LRRC72: variants seen among roughly 807,000 people sequenced by gnomAD.
LRRC72 encodes the protein leucine-rich repeat-containing protein 72.
A neutral mutation model predicts 35.8 loss-of-function variants in LRRC72; 41 were observed. The observed-to-expected ratio is 1.15, with a 90% CI of 0.89 to 1.49. The LOEUF (loss-of-function observed/expected upper bound fraction) is 1.49, where lower values mean the gene tolerates loss of function less well. Ranked by LOEUF, LRRC72 falls within the 40% of genes most tolerant of loss-of-function variation. The probability of loss-of-function intolerance (pLI) is 0.00; values close to 1 mark genes in which losing one functional copy is unlikely to be tolerated. For missense variants in LRRC72, 389 were observed against 330.7 expected, an observed-to-expected ratio of 1.18 and a Z score of -1.37; for synonymous variants, 118 against 119.2, an observed-to-expected ratio of 0.99 and a Z score of 0.07.
At chr7:16,549,076 A>ATAAT in intron 3 of LRRC72, among the ~76,000 whole-genome samples, 1 of 152,218 alleles carries the variant, frequency 6.6e-6, no homozygotes, top group Non-Finnish European at 1.5e-5. Context: ...AAAAACTCTA[A>ATAAT]TATTTTCTCA....
At chr7:16,572,877 A>G (rs1782972042) in intron 7 of LRRC72, among the ~76,000 whole-genome samples, 2 of 152,168 alleles carry the variant, frequency 1.3e-5, no homozygotes, top group Admixed American at 6.5e-5. Context: ...CTGCTTGCAG[A>G]TGACATGATT....
chr7:16,536,295 C>CA (rs1583635811), intron 2 of LRRC72, among the ~76,000 whole-genome samples: 1 of 150,774 alleles, frequency 6.6e-6, no homozygotes, highest in Non-Finnish European at 1.5e-5. Context: ...TTAAACAAAC[C>CA]AAAAAAAATG....
intron 3 of LRRC72, among the ~76,000 whole-genome samples, chr7:16,544,863 G>A (rs949696384): frequency 1.3e-5 from 2 of 152,164 alleles, no homozygotes; most frequent in Non-Finnish European, 2.9e-5. Flanking sequence ...CTGGGTTTCT[G>A]CTGTGCAGCA....
chr7:16,533,633 G>A (rs890660115), intron 2 of LRRC72, among the ~76,000 whole-genome samples: 3 of 151,692 alleles, frequency 2.0e-5, no homozygotes, highest in Admixed American at 6.6e-5. Context: ...AGTGATTTGG[G>A]GAAATCCTTT....
At chr7:16,538,327 T>C (rs1266061480) in intron 3 of LRRC72, among the ~76,000 whole-genome samples, 1 of 152,226 alleles carries the variant, frequency 6.6e-6, no homozygotes, top group Non-Finnish European at 1.5e-5. Flanking sequence ...TTCTTTGCTT[T>C]GTACCCTATA....
chr7:16,537,492 G>T, intron 2 of LRRC72, 135 bp from the exon 3 acceptor site: 1 of 474,922 alleles, frequency 2.1e-6, no homozygotes, highest in Non-Finnish European at 3.8e-6. Context: ...AAATAAGCAG[G>T]TGAGTGTGCC....
At chr7:16,561,763 T>C (rs1002748800) in intron 5 of LRRC72, among the ~76,000 whole-genome samples, 3 of 152,234 alleles carry the variant, frequency 2.0e-5, no homozygotes, top group Non-Finnish European at 4.4e-5. Context: ...GTTAAAGATA[T>C]TGTATGAAAA....
intron 5 of LRRC72, among the ~76,000 whole-genome samples, chr7:16,560,922 T>C (rs1782734436): frequency 6.6e-6 from 1 of 152,190 alleles, no homozygotes; most frequent in African/African-American, 2.4e-5. Flanking sequence ...TGATTTATTA[T>C]AGTCGCATTT....
intron 3 of LRRC72, among the ~76,000 whole-genome samples, chr7:16,538,892 A>C (rs1011371617): frequency 4.6e-5 from 7 of 152,198 alleles, no homozygotes; most frequent in African/African-American, 1.7e-4. Context: ...CTCCCCAGCC[A>C]TGTGGAATGG....
chr7:16,540,762 C>A (rs575826205), intron 3 of LRRC72, among the ~76,000 whole-genome samples: 10 of 152,150 alleles, frequency 6.6e-5, no homozygotes, highest in Non-Finnish European at 1.5e-4. Context: ...CTCTTTCTCA[C>A]CTGCCACCAT....
intron 7 of LRRC72, among the ~76,000 whole-genome samples, chr7:16,576,773 C>A (rs1783048242): frequency 6.6e-6 from 1 of 152,156 alleles, no homozygotes; most frequent in Non-Finnish European, 1.5e-5. Flanking sequence ...AGTGAAGCTG[C>A]CAGATTTCCA....
intron 7 of LRRC72, among the ~76,000 whole-genome samples, chr7:16,575,293 G>C: frequency 6.6e-6 from 1 of 152,118 alleles, no homozygotes. Context: ...TCATCAACAA[G>C]GGTATGGTCC....
intron 5 of LRRC72, among the ~76,000 whole-genome samples, chr7:16,565,341 G>C (rs572362997): frequency 2.0e-5 from 3 of 151,622 alleles, no homozygotes; most frequent in Admixed American, 6.6e-5. Flanking sequence ...GCTGAATCAG[G>C]ACAATTGCTT....
chr7:16,571,332 GA>G (rs1230876978), intron 7 of LRRC72, among the ~76,000 whole-genome samples: 2 of 152,090 alleles, frequency 1.3e-5, no homozygotes, highest in African/African-American at 4.8e-5. Context: ...TGGAATTCAG[GA>G]AAAGCCAACC....
intron 3 of LRRC72, among the ~76,000 whole-genome samples, chr7:16,544,128 C>T (rs1782405058): frequency 6.6e-6 from 1 of 152,288 alleles, no homozygotes; most frequent in Middle Eastern, 3.4e-3. Flanking sequence ...TATTTGATAG[C>T]TGCCTGGAAT....
chr7:16,556,253 G>T, intron 3 of LRRC72, among the ~76,000 whole-genome samples: 1 of 152,072 alleles, frequency 6.6e-6, no homozygotes, highest in Non-Finnish European at 1.5e-5. Context: ...AGTAAGATGC[G>T]ACTTCTTCAC....
chr7:16,558,948 A>T lies in LRRC72; in HGVS notation c.376A>T (p.Ile126Phe). 6.5e-7 allele frequency: 1 copy of T among 1,538,390 alleles called. No homozygotes were observed. The highest frequency in any genetic ancestry group is 1.2e-5 in the South Asian group (1 of 82,486). Reference sequence around the variant, plus strand: ...GCTACACCACAATGAGCTAACCAACATTGATGCAACAGTGAAGGAATTAAA... The same window carrying T: ...GCTACACCACAATGAGCTAACCAACTTTGATGCAACAGTGAAGGAATTAAA... ...LLLHHNELTN[I>F]DATVKELKGM... The change falls in exon 5 of 9, where the codon ATT becomes TTT. Residue 126 changes from isoleucine to phenylalanine, a missense_variant. Physicochemically the swap from Ile to Phe is conservative, Grantham distance 21. Transcript: ENST00000401542.
At chr7:16,560,081 C>A (rs74866107) in intron 5 of LRRC72, among the ~76,000 whole-genome samples, 1,841 of 152,172 alleles carry the variant, frequency 0.012, 29 homozygotes, top group African/African-American at 0.041. Context: ...ATGTATACAA[C>A]CACAATACAA....
intron 3 of LRRC72, among the ~76,000 whole-genome samples, chr7:16,538,475 T>C (rs1401982884): frequency 6.6e-6 from 1 of 152,218 alleles, no homozygotes; most frequent in East Asian, 1.9e-4. Flanking sequence ...TACTTAAAAC[T>C]GAGGGTCTTT....
Sources: allele counts gnomAD v4.1 joint callset (sites outside exome capture counted in the v4.1 genomes callset), GRCh38; gene constraint gnomAD v4.1.1; transcripts MANE v1.5; gene names NCBI Gene and HGNC (gene_info 2026-07-23, HGNC 2026-07-21).